SV2C: variants seen among roughly 807,000 people sequenced by gnomAD.
The protein encoded by SV2C is synaptic vesicle glycoprotein 2C, also known as solute carrier family 22 member B3.
A neutral mutation model predicts 79.7 loss-of-function variants in SV2C; 49 were observed. The ratio of observed to expected loss-of-function variants is 0.61; its 90% CI spans 0.49 to 0.78. SV2C has a LOEUF of 0.78. Ranked by LOEUF, SV2C falls within the 30% of genes least tolerant of loss-of-function variation. The pLI is 0.00. For synonymous variants in SV2C, 334 were observed against 333.2 expected, an observed-to-expected ratio of 1.00 and a Z score of -0.03; for missense variants, 833 against 912.9, an observed-to-expected ratio of 0.91 and a Z score of 1.13.
rs1023997146 is a variant in SV2C, at chr5:76,312,273, G to GA, written c.2000+10729dup. Among the ~76,000 whole-genome samples the GA allele has an allele frequency of 4.6e-5, 7 of 151,060 alleles. No homozygotes were observed. In the East Asian group the frequency reaches 5.9e-4, roughly 13 times the overall value. The stretch of plus-strand genomic sequence containing the variant: ...GCCACTTTTTTTTTTTGGGGGGGGG[G>GA]ACAGGGTCTCACTCTGTCACCCAGG... On this transcript the variant is annotated intron_variant, in intron 12 of 12. Coordinates refer to ENST00000502798, the MANE Select transcript of SV2C (RefSeq NM_014979.4).
chr5:76,334,345 G>A (rs1454238302), downstream of SV2C, among the ~76,000 whole-genome samples: 1 of 79,994 alleles, frequency 1.3e-5, no homozygotes, highest in Non-Finnish European at 2.6e-5. Context: ...ATTGGAGGCA[G>A]AAACAGACTT....
At chr5:76,334,589 C>G (rs1021884342), downstream of SV2C, among the ~76,000 whole-genome samples, 1 of 152,254 alleles carries the variant, frequency 6.6e-6, no homozygotes, top group East Asian at 1.9e-4. Flanking sequence ...CTTTTGTCCC[C>G]CTATGGGCAT....
chr5:76,322,578 A>G (rs1748866093), intron 12 of SV2C, among the ~76,000 whole-genome samples: 1 of 152,248 alleles, frequency 6.6e-6, no homozygotes, highest in African/African-American at 2.4e-5. Context: ...CATATAGCCA[A>G]GACAATCCTA....
At chr5:75,944,367 A>G in the SV2C span, among the ~76,000 whole-genome samples, 1 of 152,156 alleles carries the variant, frequency 6.6e-6, no homozygotes, top group Non-Finnish European at 1.5e-5. Flanking sequence ...TTCTTGATTG[A>G]TATATATGCA....
At chr5:75,964,282 G>A in the SV2C span, among the ~76,000 whole-genome samples, 7 of 152,148 alleles carry the variant, frequency 4.6e-5, no homozygotes, top group East Asian at 7.7e-4. Context: ...CTTGAATTGA[G>A]AAAGAGGAAC....
In SV2C at chr5:76,132,068, CG is replaced by C. The variant is rs778094348; in HGVS notation, c.319del (p.Val107CysfsTer28). 6.2e-7 allele frequency: 1 copy of C among 1,611,912 alleles called. No homozygotes were observed. Among genetic ancestry groups the C allele is most frequent in the East Asian group, 2.2e-5 (1 of 44,826 alleles). On this transcript the variant is annotated frameshift_variant, in exon 2 of 13. Coordinates refer to ENST00000502798, the MANE Select transcript of SV2C (RefSeq NM_014979.4). LOFTEE classifies it high-confidence loss of function. ...PSMNQAKDSI[V>X]SVGQPKGDEY... ...GTATGAACCAAGCGAAGGACAGCAT[CG>C]TGTCAGTGGGGCAGCCCAAGGGCGA...
intron 3 of SV2C, among the ~76,000 whole-genome samples, chr5:76,205,959 A>G (rs1397600820): frequency 6.6e-6 from 1 of 152,232 alleles, no homozygotes; most frequent in African/African-American, 2.4e-5. Flanking sequence ...AGCAAAGAGG[A>G]GCAAAATCAG....
At chr5:75,877,598 CA>C in the SV2C span, among the ~76,000 whole-genome samples, 51,685 of 133,068 alleles carry the variant, frequency 0.39, 9,587 homozygotes, top group East Asian at 0.56. Context: ...AAATCAATAG[CA>C]AAAAAAAAAA....
intron 8 of SV2C, among the ~76,000 whole-genome samples, chr5:76,294,731 G>A (rs1747685344): frequency 6.6e-6 from 1 of 152,158 alleles, no homozygotes; most frequent in African/African-American, 2.4e-5. Flanking sequence ...CTGCCTGGTA[G>A]GCACACGTGG....
chr5:76,000,270 A>T, the SV2C span, among the ~76,000 whole-genome samples: 1 of 152,004 alleles, frequency 6.6e-6, no homozygotes, highest in Non-Finnish European at 1.5e-5. Flanking sequence ...CCCTACATAT[A>T]TTTTTACCCT....
intron 1 of SV2C, among the ~76,000 whole-genome samples, chr5:76,105,905 C>T (rs1747895089): frequency 6.6e-6 from 1 of 152,110 alleles, no homozygotes; most frequent in Non-Finnish European, 1.5e-5. Flanking sequence ...ACCTCTCCTC[C>T]CTTCTCATCT....
At chr5:76,281,154 A>G in intron 4 of SV2C, 1 of 541,406 alleles carries the variant, frequency 1.8e-6, no homozygotes, top group Non-Finnish European at 3.8e-6. Flanking sequence ...GTGAGAAGGT[A>G]TCACAACTAG....
the SV2C span, among the ~76,000 whole-genome samples, chr5:75,857,676 A>G: frequency 1.3e-5 from 2 of 152,132 alleles, no homozygotes; most frequent in Non-Finnish European, 2.9e-5. Context: ...GATTGCACGG[A>G]GTCTGTAGAT....
the SV2C span, among the ~76,000 whole-genome samples, chr5:75,983,575 G>T: frequency 2.0e-5 from 3 of 149,206 alleles, 1 homozygote; most frequent in East Asian, 2.0e-4. Flanking sequence ...TCTGATGCAG[G>T]TTGCAAAATT....
At chr5:76,034,605 G>C in the SV2C span, among the ~76,000 whole-genome samples, 1 of 152,172 alleles carries the variant, frequency 6.6e-6, no homozygotes, top group Non-Finnish European at 1.5e-5. Context: ...AAGCCCACTT[G>C]ATCATGGTGG....
At chr5:76,070,937 T>C in the SV2C span, among the ~76,000 whole-genome samples, 1 of 152,346 alleles carries the variant, frequency 6.6e-6, no homozygotes, top group East Asian at 1.9e-4. Flanking sequence ...GAGTTACCTC[T>C]TCTGGATGCA....
the SV2C span, among the ~76,000 whole-genome samples, chr5:76,036,365 T>G: frequency 0.017 from 2,609 of 152,322 alleles, 32 homozygotes; most frequent in Non-Finnish European, 0.024. Flanking sequence ...TTTGGCATGA[T>G]TTTGCAGCAG....
At chr5:76,174,390 G>A (rs780122281) in intron 2 of SV2C, among the ~76,000 whole-genome samples, 1 of 152,262 alleles carries the variant, frequency 6.6e-6, no homozygotes, top group Non-Finnish European at 1.5e-5. Context: ...TCTGCCTCTG[G>A]TGTTTATGTT....
the SV2C span, among the ~76,000 whole-genome samples, chr5:75,862,504 C>T: frequency 6.6e-6 from 1 of 152,146 alleles, no homozygotes; most frequent in African/African-American, 2.4e-5. Flanking sequence ...TGTCCTTTAG[C>T]CTATTAAGGC....
Sources: allele counts gnomAD v4.1 joint callset (sites outside exome capture counted in the v4.1 genomes callset), GRCh38; gene constraint gnomAD v4.1.1; transcripts MANE v1.5; gene names NCBI Gene and HGNC (gene_info 2026-07-23, HGNC 2026-07-21).